DPP6: variants seen among roughly 807,000 people sequenced by gnomAD.
DPP6 encodes the protein A-type potassium channel modulatory protein DPP6.
A neutral mutation model predicts 122.6 loss-of-function variants in DPP6; 69 were observed. The ratio of observed to expected loss-of-function variants is 0.56; its 90% CI spans 0.46 to 0.69. The LOEUF (loss-of-function observed/expected upper bound fraction) is 0.69, where lower values mean the gene tolerates loss of function less well. DPP6 is among the 30% of genes least tolerant of loss of function. The probability of loss-of-function intolerance (pLI) is 0.00; values close to 1 mark genes in which losing one functional copy is unlikely to be tolerated. For missense variants in DPP6, 928 were observed against 1,116.9 expected, an observed-to-expected ratio of 0.83 and a Z score of 2.41; for synonymous variants, 418 against 433.1, an observed-to-expected ratio of 0.97 and a Z score of 0.43.
intron 6 of DPP6, among the ~76,000 whole-genome samples, chr7:154,652,002 A>G (rs2130996214): frequency 6.6e-6 from 1 of 152,356 alleles, no homozygotes; most frequent in African/African-American, 2.4e-5. Flanking sequence ...GGTATCCCTT[A>G]AGAATTTAAA....
chr7:153,986,312 G>A (rs1239837563), intron 1 of DPP6, among the ~76,000 whole-genome samples: 1 of 152,006 alleles, frequency 6.6e-6, no homozygotes, highest in Non-Finnish European at 1.5e-5. Context: ...ATTTGTCTAA[G>A]TAGAGAAGCT....
chr7:154,379,294 C>G (rs1371969277), intron 1 of DPP6, among the ~76,000 whole-genome samples: 1 of 152,000 alleles, frequency 6.6e-6, no homozygotes, highest in Non-Finnish European at 1.5e-5. Context: ...ATTTACCCCA[C>G]AAAAATTGAT....
upstream of DPP6, among the ~76,000 whole-genome samples, chr7:154,052,089 T>TTGCACC (rs1261805884): frequency 1.4e-5 from 2 of 141,854 alleles, no homozygotes; most frequent in Non-Finnish European, 3.1e-5. The surrounding 1 kb of genome is among the most constrained non-coding windows in gnomAD (Gnocchi z 4.8). Context: ...CCGCATCCCC[T>TTGCACC]TGCACCGTCC....
the DPP6 span, among the ~76,000 whole-genome samples, chr7:153,794,002 G>A: frequency 6.6e-6 from 1 of 152,242 alleles, no homozygotes; most frequent in Non-Finnish European, 1.5e-5. Flanking sequence ...GTATGGAAAT[G>A]CCTGGATGCC....
chr7:154,891,356 G>C (rs1376984774), intron 25 of DPP6: 1 of 152,214 alleles, frequency 6.6e-6, no homozygotes. Flanking sequence ...TCATCCTATT[G>C]GCATCTGGGA....
intron 1 of DPP6, among the ~76,000 whole-genome samples, chr7:154,096,654 T>G (rs1380199752): frequency 2.0e-5 from 3 of 152,164 alleles, no homozygotes; most frequent in Non-Finnish European, 2.9e-5. Context: ...TATTACAACA[T>G]TAAGTGAAAA....
intron 5 of DPP6, among the ~76,000 whole-genome samples, chr7:154,576,043 C>T (rs1167134756): frequency 6.6e-6 from 1 of 151,986 alleles, no homozygotes; most frequent in African/African-American, 2.4e-5. Flanking sequence ...CCAGGCCGGC[C>T]CGCAGTGGAG....
At chr7:154,294,085 G>A (rs1251086130) in intron 1 of DPP6, among the ~76,000 whole-genome samples, 1 of 152,152 alleles carries the variant, frequency 6.6e-6, no homozygotes, top group African/African-American at 2.4e-5. Flanking sequence ...TTGCAAACAA[G>A]AAATTATTCT....
At chr7:154,756,995 C>T (rs1315631823) in intron 8 of DPP6, among the ~76,000 whole-genome samples, 2 of 151,634 alleles carry the variant, frequency 1.3e-5, no homozygotes, top group Non-Finnish European at 2.9e-5. Context: ...CCCTCACGGC[C>T]CCTGAGGAAC....
intron 7 of DPP6, among the ~76,000 whole-genome samples, chr7:154,716,107 A>G (rs1471699006): frequency 1.3e-5 from 2 of 151,980 alleles, no homozygotes; most frequent in African/African-American, 4.8e-5. Context: ...TGCTTTCACT[A>G]TTTCTTAGGC....
Position 154,583,808 on chromosome 7 carries a change from C to T in DPP6, c.627+16892C>T, listed in dbSNP as rs371240949. 3.8e-4 allele frequency among the ~76,000 whole-genome samples: 58 copies of T among 152,270 alleles called. 3 individuals are homozygous for T. The South Asian group carries it at 0.011, about 30-fold the overall frequency. On this transcript the variant is annotated intron_variant, in intron 5 of 25. Coordinates refer to ENST00000377770, the MANE Select transcript of DPP6 (RefSeq NM_130797.4). ...CCTGTGTGCTGCTGTCTCCGGGGAACGTAGAGGGCCCTCAGACACAGTGTG... is the reference window on the plus strand; with the variant it reads ...CCTGTGTGCTGCTGTCTCCGGGGAATGTAGAGGGCCCTCAGACACAGTGTG...
intron 17 of DPP6, among the ~76,000 whole-genome samples, chr7:154,860,923 G>A (rs1803333181): frequency 6.6e-6 from 1 of 152,182 alleles, no homozygotes; most frequent in African/African-American, 2.4e-5. Context: ...ATAAAAGCCA[G>A]CTCTTTCCTG....
the DPP6 span, among the ~76,000 whole-genome samples, chr7:153,766,386 T>A: frequency 6.6e-6 from 1 of 152,206 alleles, no homozygotes; most frequent in Non-Finnish European, 1.5e-5. Context: ...GTCTAGCCAA[T>A]ACCAACGTTC....
chr7:154,616,006 C>A (rs1466896118), intron 5 of DPP6, among the ~76,000 whole-genome samples: 1 of 152,192 alleles, frequency 6.6e-6, no homozygotes, highest in Non-Finnish European at 1.5e-5. Flanking sequence ...TTGCTCTTAG[C>A]ATAATTACTC....
chr7:154,603,541 A>G (rs1833486555), intron 5 of DPP6, among the ~76,000 whole-genome samples: 1 of 111,554 alleles, frequency 9.0e-6, no homozygotes, highest in African/African-American at 2.8e-5. Context: ...TAATAATCCC[A>G]GCTACTCGGG....
chr7:154,206,994 G>A (rs1799481893), intron 1 of DPP6, among the ~76,000 whole-genome samples: 1 of 152,236 alleles, frequency 6.6e-6, no homozygotes, highest in African/African-American at 2.4e-5. Flanking sequence ...GGAAAGGAAA[G>A]GGTACCGAAG....
At chr7:154,756,525 AC>A (rs1239011121) in intron 8 of DPP6, among the ~76,000 whole-genome samples, 2 of 152,180 alleles carry the variant, frequency 1.3e-5, no homozygotes, top group Non-Finnish European at 2.9e-5. Context: ...AAACTGAGGC[AC>A]CCAGGGGCTG....
intron 3 of DPP6, among the ~76,000 whole-genome samples, chr7:154,477,612 AAGG>A (rs1426621727): frequency 6.6e-6 from 1 of 151,964 alleles, no homozygotes; most frequent in Non-Finnish European, 1.5e-5. Flanking sequence ...TTCATGGTAT[AAGG>A]AGTTTGATTT....
intron 5 of DPP6, among the ~76,000 whole-genome samples, chr7:154,630,413 A>T (rs943762440): frequency 6.6e-6 from 1 of 152,254 alleles, no homozygotes; most frequent in Non-Finnish European, 1.5e-5. Context: ...CTTGGTAATC[A>T]TGTTTACATG....
Sources: allele counts gnomAD v4.1 joint callset (sites outside exome capture counted in the v4.1 genomes callset), GRCh38; gene constraint gnomAD v4.1.1; non-coding constraint Gnocchi (gnomAD v3.1); transcripts MANE v1.5; gene names NCBI Gene and HGNC (gene_info 2026-07-23, HGNC 2026-07-21).